The following CTNNBIP1 variants were observed in gnomAD, a reference collection of about 807,000 sequenced individuals.
CTNNBIP1 encodes the protein catenin beta interacting protein 1, also known as beta-catenin-interacting protein 1.
In CTNNBIP1, 7 loss-of-function variants were observed where a neutral mutation model predicts 11.8. The ratio of observed to expected loss-of-function variants is 0.60; its 90% confidence interval spans 0.34 to 1.12. CTNNBIP1 has a LOEUF of 1.12. CTNNBIP1 is among the 50% of genes most tolerant of loss of function. The pLI is 0.03. For synonymous variants in CTNNBIP1, 58 were observed against 43.9 expected, an observed-to-expected ratio of 1.32 and a Z score of -1.26; for missense variants, 101 against 113.4, an observed-to-expected ratio of 0.89 and a Z score of 0.50.
rs767334714 is a variant in CTNNBIP1 at position 9,860,265 on chromosome 1, C to A, written c.188-9489G>T. Among the ~76,000 whole-genome samples the A allele has an allele frequency of 3.8e-4, 57 of 152,000 alleles. 1 individual carries two copies. The highest frequency in any genetic ancestry group is 3.2e-3 in the Middle Eastern group (1 of 316). ...TGGAGAAAAAGGGGAACTTCAGTCA[C>A]AGATGGACACTCCCGCATCACCCAA... On this transcript the variant is annotated intron_variant, in intron 5 of 5. Coordinates refer to ENST00000377263, the MANE Select transcript of CTNNBIP1 (RefSeq NM_020248.3).
chr1:9,908,004 A>C (rs1346583081), intron 1 of CTNNBIP1, among the ~76,000 whole-genome samples: 1 of 152,232 alleles, frequency 6.6e-6, no homozygotes, highest in Non-Finnish European at 1.5e-5. Flanking sequence ...TCTTGGAATA[A>C]AATCCAAACT....
chr1:9,870,421 T>C (rs1638836851), intron 5 of CTNNBIP1, among the ~76,000 whole-genome samples: 1 of 152,116 alleles, frequency 6.6e-6, no homozygotes, highest in African/African-American at 2.4e-5. Context: ...CCATGTGGGT[T>C]ATGGGCAAGA....
At chr1:9,870,662 C>T (rs1326773925) in intron 5 of CTNNBIP1, among the ~76,000 whole-genome samples, 1 of 152,196 alleles carries the variant, frequency 6.6e-6, no homozygotes, top group Non-Finnish European at 1.5e-5. Context: ...TTGTTGAGGT[C>T]ACCCCAAAAA....
intron 1 of CTNNBIP1, among the ~76,000 whole-genome samples, chr1:9,904,321 G>A (rs1413573268): frequency 7.1e-6 from 1 of 140,108 alleles, no homozygotes; most frequent in Non-Finnish European, 1.5e-5. Context: ...AAGTGGCATC[G>A]TGGACAACTG....
At chr1:9,886,359 C>A (rs1639187848) in intron 1 of CTNNBIP1, among the ~76,000 whole-genome samples, 1 of 151,536 alleles carries the variant, frequency 6.6e-6, no homozygotes, top group Non-Finnish European at 1.5e-5. Flanking sequence ...CCACTAGATG[C>A]CAGTAGCAGC....
chr1:9,897,229 C>T (rs896984172), intron 1 of CTNNBIP1, among the ~76,000 whole-genome samples: 146 of 151,640 alleles, frequency 9.6e-4, no homozygotes, highest in African/African-American at 3.1e-3. Context: ...CCGAGGCGGG[C>T]GGATCACGAG....
At position 9,850,725 on chromosome 1, in the gene CTNNBIP1, C is replaced by G. The variant is rs1422466855; in HGVS notation, c.239G>C (p.Arg80Thr). ...AFSRSETEDR[R>T]Q ...GTTCCAAGGGCTTTGCAGCTACTGC[C>G]TCCGGTCTTCCGTCTCCGACCTGGA... The change falls in exon 6 of 6, where the codon AGG becomes ACG. Residue 80 changes from arginine (R) to threonine (T), a missense_variant. Arg to Thr is a moderately conservative substitution (Grantham distance 71). Coordinates refer to ENST00000377263, the MANE Select transcript of CTNNBIP1 (RefSeq NM_020248.3). The G allele has an allele frequency of 1.9e-6, 3 of 1,613,898 alleles. No homozygotes were observed. Among genetic ancestry groups the G allele is most frequent in the Non-Finnish European group, 2.5e-6 (3 of 1,179,850 alleles).
Position 9,883,044 on chromosome 1 carries a change from A to AG in CTNNBIP1, c.-110+660dup, listed in dbSNP as rs752200752. ...AGCACGGGTGGGGCAGCCGCAGGGC[A>AG]GGGGGCTCCTTCTGTGGGCACGCAG... On this transcript the variant is annotated intron_variant, in intron 2 of 5. Coordinates refer to ENST00000377263, the MANE Select transcript of CTNNBIP1 (RefSeq NM_020248.3). This position sits in a 1 kb window ranked among gnomAD's most constrained non-coding sequence, Gnocchi z 5.6. Among the ~76,000 whole-genome samples the AG allele has an allele frequency of 9.8e-5, 15 of 152,312 alleles. No homozygotes were observed. The East Asian group carries it at 2.9e-3, about 29-fold the overall frequency.
chr1:9,904,279 A>G (rs1639577277), intron 1 of CTNNBIP1, among the ~76,000 whole-genome samples: 1 of 151,978 alleles, frequency 6.6e-6, no homozygotes, highest in Non-Finnish European at 1.5e-5. Flanking sequence ...GATTCCCACT[A>G]ACTTGTGTTG....
rs1175181254 is a variant in CTNNBIP1 at position 9,894,905 on chromosome 1, A to ATTTTTT, written c.-143-11173_-143-11168dup. On this transcript the variant is annotated intron_variant, in intron 1 of 5. Coordinates refer to ENST00000377263, the MANE Select transcript of CTNNBIP1 (RefSeq NM_020248.3). Reference sequence around the variant, plus strand: ...ACAAGTGTGACTGCCATGCCTGGCTATTTTTTTTTTTTTTTTTTTTGAGAC... The same window carrying ATTTTTT: ...ACAAGTGTGACTGCCATGCCTGGCTATTTTTTTTTTTTTTTTTTTTTTTTTTGAGAC... 4.2e-3 allele frequency among the ~76,000 whole-genome samples: 425 copies of ATTTTTT among 102,190 alleles called. 47 individuals are homozygous for ATTTTTT. The highest frequency in any genetic ancestry group is 0.017 in the African/African-American group (407 of 23,498). The allele number at this position is 102,190 out of a possible 152,430, so 67.0% of individuals were successfully genotyped here.
In CTNNBIP1 at chr1:9,872,529, G is replaced by A. The variant is rs767369711; in HGVS notation, c.-24-441C>T. On this transcript the variant is annotated intron_variant, in intron 3 of 5. Transcript: ENST00000377263. The surrounding 1 kb of genome is among the most constrained non-coding windows in gnomAD (Gnocchi z 4.0). Reference sequence around the variant, plus strand: ...ATGGGATCAGAGGCAACTGGTTAGGGCCTTTGGCTCGAGAAACTGTGAGAT... The same window carrying A: ...ATGGGATCAGAGGCAACTGGTTAGGACCTTTGGCTCGAGAAACTGTGAGAT... Among the ~76,000 whole-genome samples the A allele has an allele frequency of 2.0e-5, 3 of 152,228 alleles. No homozygotes were observed. Among genetic ancestry groups the A allele is most frequent in the African/African-American group, 4.8e-5 (2 of 41,460 alleles).
Position 9,850,616 on chromosome 1 carries a change from G to T in CTNNBIP1, c.*102C>A. The T allele has an allele frequency of 8.7e-6, 9 of 1,036,048 alleles. No homozygotes were observed. The South Asian group carries it at 9.0e-5, about 10-fold the overall frequency. The allele number at this position is 1,036,048 out of a possible 1,614,324, so 64.2% of individuals were successfully genotyped here. On this transcript the variant is annotated 3_prime_UTR_variant, in exon 6 of 6. Transcript: ENST00000377263. Reference sequence around the variant, plus strand: ...GCAGGGCAGGGTTGGGTAGGGGAAGGGGGAGGTGGGGCAAGGGGGGCTGCT... The same window carrying T: ...GCAGGGCAGGGTTGGGTAGGGGAAGTGGGAGGTGGGGCAAGGGGGGCTGCT...
intron 5 of CTNNBIP1, among the ~76,000 whole-genome samples, chr1:9,868,777 T>TGG (rs1638798860): frequency 6.6e-6 from 1 of 152,072 alleles, no homozygotes; most frequent in Non-Finnish European, 1.5e-5. Context: ...CTGGGACTAC[T>TGG]GGCACCTGCC....
chr1:9,861,897 C>T (rs1638636151), intron 5 of CTNNBIP1, among the ~76,000 whole-genome samples: 1 of 152,200 alleles, frequency 6.6e-6, no homozygotes, highest in Admixed American at 6.5e-5. Flanking sequence ...GAATCTATCC[C>T]CAATCTAACT....
intron 3 of CTNNBIP1, among the ~76,000 whole-genome samples, chr1:9,873,878 G>A (rs1638913557): frequency 6.6e-6 from 1 of 152,106 alleles, no homozygotes; most frequent in Non-Finnish European, 1.5e-5. Flanking sequence ...TAGGGCCACA[G>A]GTGCACATCA....
At chr1:9,885,919 T>G (rs1570587282) in intron 1 of CTNNBIP1, among the ~76,000 whole-genome samples, 2 of 134,758 alleles carry the variant, frequency 1.5e-5, no homozygotes. Flanking sequence ...GCAACAAGAG[T>G]GAAACTCCAT....
intron 1 of CTNNBIP1, among the ~76,000 whole-genome samples, chr1:9,888,752 T>C (rs922878413): frequency 6.6e-6 from 1 of 152,086 alleles, no homozygotes; most frequent in African/African-American, 2.4e-5. Flanking sequence ...GTGGGAGTGA[T>C]TCTGGAATTC....
intron 1 of CTNNBIP1, among the ~76,000 whole-genome samples, chr1:9,908,120 G>A (rs948139447): frequency 3.3e-5 from 5 of 152,158 alleles, no homozygotes; most frequent in Non-Finnish European, 7.4e-5. Context: ...GTGCAGTGGC[G>A]CAATCTCGGC....
chr1:9,872,099 A>G lies in CTNNBIP1; in HGVS notation c.-24-11T>C, dbSNP rs756095871. On this transcript the variant is annotated splice_polypyrimidine_tract_variant and intron_variant, in intron 3 of 5. Transcript: ENST00000377263. This position sits in a 1 kb window ranked among gnomAD's most constrained non-coding sequence, Gnocchi z 4.0. ...TGGCTCTGGGGACTCCTGCAGAGCAAGCAACAGCATCAAAAGGGAAGAGAT... is the reference window on the plus strand; with the variant it reads ...TGGCTCTGGGGACTCCTGCAGAGCAGGCAACAGCATCAAAAGGGAAGAGAT... 3 of 1,491,592 alleles carry G rather than the reference A, an allele frequency of 2.0e-6. No homozygotes were observed. The South Asian group carries it at 3.4e-5, about 17-fold the overall frequency. 92.4% of individuals were successfully genotyped at this position (1,491,592 alleles called of 1,614,324 possible).
Sources: allele counts gnomAD v4.1 joint callset (sites outside exome capture counted in the v4.1 genomes callset), GRCh38; gene constraint gnomAD v4.1.1; non-coding constraint Gnocchi (gnomAD v3.1); transcripts MANE v1.5; gene names NCBI Gene and HGNC (gene_info 2026-07-23, HGNC 2026-07-21).